The following MORC1 variants were observed in gnomAD, a reference collection of about 807,000 sequenced individuals.
MORC1 encodes the protein MORC family CW-type zinc finger 1, also known as MORC family CW-type zinc finger protein 1.
Under a neutral mutation model 134.9 loss-of-function variants are expected in MORC1, and 59 were observed. That is an observed-to-expected ratio of 0.44 (90% CI 0.35 to 0.54). The LOEUF is 0.54. Ranked by LOEUF, MORC1 falls within the 20% of genes least tolerant of loss-of-function variation. The pLI is 0.00. For synonymous variants in MORC1, 395 were observed against 391.7 expected, an observed-to-expected ratio of 1.01 and a Z score of -0.10; for missense variants, 947 against 1,134.5, an observed-to-expected ratio of 0.83 and a Z score of 2.37.
chr3:109,102,255 G>A (rs750285290), intron 4 of MORC1, among the ~76,000 whole-genome samples: 1 of 152,108 alleles, frequency 6.6e-6, no homozygotes, highest in Non-Finnish European at 1.5e-5. Flanking sequence ...AAGGGAGGAA[G>A]TGGGAAGAAC....
chr3:108,992,571 C>T (rs1948093485), intron 21 of MORC1, among the ~76,000 whole-genome samples: 1 of 152,156 alleles, frequency 6.6e-6, no homozygotes, highest in Non-Finnish European at 1.5e-5. Context: ...AACGTGACTC[C>T]ATCTCCCAAA....
At chr3:108,961,093 A>G (rs1947069202) in intron 27 of MORC1, among the ~76,000 whole-genome samples, 1 of 152,172 alleles carries the variant, frequency 6.6e-6, no homozygotes, top group African/African-American at 2.4e-5. Flanking sequence ...GGGCCCAACT[A>G]TGGGATCAAC....
chr3:109,044,016 A>G lies in MORC1; in HGVS notation c.1331-8548T>C, dbSNP rs561600723. Among the ~76,000 whole-genome samples the G allele has an allele frequency of 1.2e-3, 177 of 152,332 alleles. No individual in the cohort carries two copies. The Middle Eastern group carries it at 0.014, about 12-fold the overall frequency. On this transcript the variant is annotated intron_variant, in intron 14 of 27. Transcript: ENST00000232603. ...ACAAAGAGTAGATGGCTGAAAGCAC[A>G]CAGCTAATTTTCAAAATTATAAAAG...
chr3:108,970,469 A>C (rs1947347029), intron 25 of MORC1, among the ~76,000 whole-genome samples: 1 of 152,100 alleles, frequency 6.6e-6, no homozygotes, highest in Non-Finnish European at 1.5e-5. Context: ...CAGCTGTGGA[A>C]TCAGAAGCCC....
intron 26 of MORC1, among the ~76,000 whole-genome samples, chr3:108,969,084 C>T (rs1014252333): frequency 6.6e-6 from 1 of 151,712 alleles, no homozygotes; most frequent in South Asian, 2.1e-4. Flanking sequence ...GGACTAGATA[C>T]ACAGCATTAT....
intron 17 of MORC1, among the ~76,000 whole-genome samples, chr3:109,025,498 C>T (rs532609311): frequency 1.4e-4 from 21 of 149,794 alleles, no homozygotes; most frequent in Non-Finnish European, 3.0e-4. Context: ...TCTCCCACCT[C>T]AGCCTCTGAA....
At chr3:108,984,843 A>C in intron 22 of MORC1, 61 bp from the exon 23 acceptor site, 1 of 1,365,334 alleles carries the variant, frequency 7.3e-7, no homozygotes, top group South Asian at 1.3e-5. Context: ...CTGAACCAAA[A>C]GAAATGTTAG....
chr3:108,977,835 G>GT (rs1383957885), intron 24 of MORC1, among the ~76,000 whole-genome samples: 1 of 152,152 alleles, frequency 6.6e-6, no homozygotes, highest in African/African-American at 2.4e-5. Context: ...GGATTATACT[G>GT]TAAGCTACAG....
At chr3:109,027,666 G>A (rs1451189816) in intron 17 of MORC1, 85 bp downstream of exon 17, 3 of 1,539,970 alleles carry the variant, frequency 1.9e-6, no homozygotes, top group Non-Finnish European at 2.7e-6. Context: ...ATTTTATTGT[G>A]TAAACCACTT....
At chr3:108,982,839 T>C (rs558454325) in intron 23 of MORC1, among the ~76,000 whole-genome samples, 1 of 151,870 alleles carries the variant, frequency 6.6e-6, no homozygotes, top group Non-Finnish European at 1.5e-5. Context: ...CAGTCAATCC[T>C]CACCCATTCC....
intron 9 of MORC1, among the ~76,000 whole-genome samples, chr3:109,068,876 C>T (rs1452170992): frequency 2.0e-5 from 3 of 152,196 alleles, no homozygotes; most frequent in Non-Finnish European, 2.9e-5. Context: ...TGGTGGGTGG[C>T]CAAGTGCAGT....
At chr3:109,092,432 C>G (rs1445672967) in intron 8 of MORC1, among the ~76,000 whole-genome samples, 1 of 152,252 alleles carries the variant, frequency 6.6e-6, no homozygotes, top group East Asian at 1.9e-4. Flanking sequence ...TGTAACCTGA[C>G]ATGTCTACTT....
intron 8 of MORC1, among the ~76,000 whole-genome samples, chr3:109,091,480 A>AATAAAT (rs1285224285): frequency 6.6e-6 from 1 of 150,434 alleles, no homozygotes; most frequent in South Asian, 2.1e-4. Flanking sequence ...TAAATAAATA[A>AATAAAT]AAAGTATGTT....
At chr3:109,027,923 G>A in intron 16 of MORC1, 34 bp from the exon 17 acceptor site, 2 of 1,603,198 alleles carry the variant, frequency 1.2e-6, no homozygotes, top group Non-Finnish European at 1.7e-6. Context: ...TTAACATCAG[G>A]AGAAATATAA....
rs1950273907 is a variant in MORC1 at position 109,069,642 on chromosome 3, A to G, written c.805T>C (p.Tyr269His). The change falls in exon 9 of 28, where the codon TAC becomes CAC. Residue 269 changes from tyrosine to histidine, a missense_variant. This residue lies in a region of MORC1 where 722 missense variants were observed against 817.0 expected (regional missense o/e 0.88). Coordinates refer to ENST00000232603, the MANE Select transcript of MORC1 (RefSeq NM_014429.4). ...AGAAAGATGAGTTACCTGGGTCTGT[A>G]GAGGCAATAGCAAAGATGTTTAGTT... Reference protein sequence around the residue: ...VKTKHLCYCLYRPRKYLYVTS... With the variant: ...VKTKHLCYCLHRPRKYLYVTS... The G allele has an allele frequency of 1.2e-6, 2 of 1,600,258 alleles. No homozygotes were observed. The highest frequency in any genetic ancestry group is 1.7e-6 in the Non-Finnish European group (2 of 1,171,422).
intron 17 of MORC1, among the ~76,000 whole-genome samples, chr3:109,026,850 C>A (rs1051493845): frequency 1.3e-5 from 2 of 152,058 alleles, no homozygotes; most frequent in Non-Finnish European, 2.9e-5. Flanking sequence ...CCAAGAGAGA[C>A]CCTAAGACTC....
intron 3 of MORC1, among the ~76,000 whole-genome samples, chr3:109,104,815 T>C (rs1220653388): frequency 6.6e-6 from 1 of 152,074 alleles, no homozygotes; most frequent in Non-Finnish European, 1.5e-5. Context: ...TCAGGAATAA[T>C]TTATGCACAA....
At chr3:109,066,675 G>A (rs2066753385) in intron 9 of MORC1, among the ~76,000 whole-genome samples, 6 of 152,266 alleles carry the variant, frequency 3.9e-5, no homozygotes, top group South Asian at 2.1e-4. Context: ...TTGCTCTTAC[G>A]CATTTGTATA....
chr3:109,039,723 C>T (rs1418412222), intron 14 of MORC1, among the ~76,000 whole-genome samples: 1 of 152,172 alleles, frequency 6.6e-6, no homozygotes, highest in Non-Finnish European at 1.5e-5. Flanking sequence ...AGACCCTGTC[C>T]TCCAAATAAT....
Sources: gnomAD v4.1 joint callset for allele counts (sites outside exome capture counted in the v4.1 genomes callset) on GRCh38, gnomAD v4.1.1 for gene constraint, gnomAD v4.1.1 regional missense constraint, MANE v1.5 for transcripts, NCBI Gene and HGNC (gene_info 2026-07-23, HGNC 2026-07-21) for gene names.